The following LMO7 variants were observed in gnomAD, a reference collection of about 807,000 sequenced individuals.
The protein encoded by LMO7 is LIM domain 7, also known as LIM domain only protein 7.
LMO7 carries 120 observed loss-of-function variants against 206.5 expected under a neutral mutation model. The ratio of observed to expected loss-of-function variants is 0.58; its 90% CI spans 0.50 to 0.68. The LOEUF (loss-of-function observed/expected upper bound fraction) is 0.68. Among genes scored for constraint, LMO7 ranks in the 30% least tolerant of loss-of-function variants. The pLI is 0.00. For missense variants in LMO7, 1,959 were observed against 1,957.9 expected, an observed-to-expected ratio of 1.00 and a Z score of -0.01; for synonymous variants, 706 against 681.5, an observed-to-expected ratio of 1.04 and a Z score of -0.56.
chr13:75,636,486 G>A lies in LMO7; in HGVS notation c.-172G>A. On this transcript the variant is annotated 5_prime_UTR_variant, in exon 1 of 31. Coordinates refer to ENST00000377534, the MANE Select transcript of LMO7 (RefSeq NM_001306080.2). ...GTTCGTGTAGGTTCGAGACCTTAAC[G>A]AACTGCAGAGCGCAACAAAGGGAAC... 6.8e-7 allele frequency: 1 copy of A among 1,461,724 alleles called. No individual in the cohort carries two copies. Among genetic ancestry groups the A allele is most frequent in the East Asian group, 2.5e-5 (1 of 40,040 alleles). The allele number at this position is 1,461,724 out of a possible 1,614,324, so 90.5% of individuals were successfully genotyped here.
chr13:75,671,418 T>C (rs942058025), intron 1 of LMO7, among the ~76,000 whole-genome samples: 3 of 152,148 alleles, frequency 2.0e-5, no homozygotes, highest in African/African-American at 7.2e-5. Context: ...TATCACTAGA[T>C]AGAAGATGGG....
intron 1 of LMO7, among the ~76,000 whole-genome samples, chr13:75,683,045 GTGGT>G (rs994159955): frequency 6.6e-6 from 1 of 151,088 alleles, no homozygotes; most frequent in Non-Finnish European, 1.5e-5. Flanking sequence ...TTTACTTCCA[GTGGT>G]TTGACTTTTT....
chr13:75,738,403 G>C (rs911284641), intron 3 of LMO7, among the ~76,000 whole-genome samples: 1 of 152,204 alleles, frequency 6.6e-6, no homozygotes, highest in Non-Finnish European at 1.5e-5. Context: ...GAGATGTTAA[G>C]ATGGTTTGGA....
chr13:75,854,791 G>A (rs1053241698), intron 28 of LMO7, among the ~76,000 whole-genome samples: 1 of 152,112 alleles, frequency 6.6e-6, no homozygotes, highest in Non-Finnish European at 1.5e-5. Context: ...GAAAGAGGGC[G>A]AAAAATAAGT....
intron 1 of LMO7, among the ~76,000 whole-genome samples, chr13:75,709,063 T>C (rs1474325671): frequency 1.3e-5 from 2 of 152,126 alleles, no homozygotes; most frequent in East Asian, 3.9e-4. Context: ...TTTTTTGTCC[T>C]TGCGATAGTT....
chr13:75,737,842 C>CAAA (rs768622923), intron 3 of LMO7, among the ~76,000 whole-genome samples: 3,267 of 37,558 alleles, frequency 0.087, 334 homozygotes, highest in African/African-American at 0.12. Context: ...AGGAAGCTGC[C>CAAA]AAAAAAAAAA....
chr13:75,839,961 A>C (rs78504381), intron 20 of LMO7, 124 bp from the exon 21 acceptor site: 2 of 831,790 alleles, frequency 2.4e-6, no homozygotes, highest in Non-Finnish European at 3.9e-6. Context: ...GTTTAAAAAA[A>C]CATTGTCACT....
chr13:75,758,073 G>A (rs935121438), intron 3 of LMO7, among the ~76,000 whole-genome samples: 1 of 151,910 alleles, frequency 6.6e-6, no homozygotes, highest in African/African-American at 2.4e-5. Context: ...AGGAAAATGG[G>A]GCCAGAAATG....
At chr13:75,842,080 T>G in intron 24 of LMO7, 97 bp downstream of exon 24, 1 of 867,990 alleles carries the variant, frequency 1.2e-6, no homozygotes, top group Non-Finnish European at 1.8e-6. Context: ...CCACCCATTC[T>G]CCACACAAGT....
At chr13:75,658,750 AT>A (rs759656229) in intron 1 of LMO7, among the ~76,000 whole-genome samples, 136 of 143,660 alleles carry the variant, frequency 9.5e-4, no homozygotes, top group Admixed American at 1.0e-3. Context: ...CGCCCAGCTA[AT>A]TTTTTTTTTT....
At chr13:75,847,369 A>C (rs2060087552) in intron 26 of LMO7, among the ~76,000 whole-genome samples, 1 of 152,232 alleles carries the variant, frequency 6.6e-6, no homozygotes, top group Non-Finnish European at 1.5e-5. Context: ...GTCATGAATA[A>C]ATTCAACATT....
intron 19 of LMO7, 26 bp from the exon 20 acceptor site, chr13:75,838,114 A>C (rs746171004): frequency 7.4e-7 from 1 of 1,351,438 alleles, no homozygotes; most frequent in African/African-American, 1.4e-5. Flanking sequence ...AATGAATGAC[A>C]TAGTGTTTAT....
In LMO7 at chr13:75,729,582, ATT is replaced by A. The variant is rs1566360249; in HGVS notation, c.210+2486_210+2487del. ...ATCATGTCATCTGCAAACAGGGACA[ATT>A]TGACTTCCTCTTTTCCTAATTGAAT... On this transcript the variant is annotated intron_variant, in intron 3 of 30. Coordinates refer to ENST00000377534, the MANE Select transcript of LMO7 (RefSeq NM_001306080.2). 1.1e-4 allele frequency among the ~76,000 whole-genome samples: 17 copies of A among 150,970 alleles called. No individual in the cohort carries two copies. The East Asian group carries it at 3.3e-3, about 29-fold the overall frequency.
intron 25 of LMO7, among the ~76,000 whole-genome samples, chr13:75,844,448 C>T (rs576508523): frequency 8.7e-5 from 13 of 148,734 alleles, no homozygotes; most frequent in Admixed American, 4.0e-4. Flanking sequence ...CTCGCTCTGT[C>T]GCCCAGGCTG....
chr13:75,802,182 T>G (rs577779287), intron 7 of LMO7, among the ~76,000 whole-genome samples: 1 of 152,326 alleles, frequency 6.6e-6, no homozygotes, highest in East Asian at 1.9e-4. Flanking sequence ...TTATTAAGCA[T>G]GGTAACAAAA....
rs145753363 is a variant in LMO7 at position 75,641,764 on chromosome 13, C to T, written c.69+5038C>T. ...TCGCCTCCTGGATTTAAGTGATTCT[C>T]CTGTCTCAGCCTCCCGAGTAGCTGG... is the stretch of plus-strand genomic sequence containing the variant. On this transcript the variant is annotated intron_variant, in intron 1 of 30. Transcript: ENST00000377534. Among the ~76,000 whole-genome samples the T allele has an allele frequency of 6.4e-4, 97 of 152,232 alleles. 1 individual carries two copies. The East Asian group carries it at 0.018, about 28-fold the overall frequency.
intron 4 of LMO7, among the ~76,000 whole-genome samples, chr13:75,794,998 G>GT (rs1419132466): frequency 1.3e-5 from 2 of 151,928 alleles, no homozygotes; most frequent in Admixed American, 6.6e-5. Flanking sequence ...TGTTTTTAAG[G>GT]TTTTTTTCCC....
At position 75,728,193 on chromosome 13, in the gene LMO7, C is replaced by T. The variant is rs574484534; in HGVS notation, c.210+1095C>T. Among the ~76,000 whole-genome samples, 423 of 152,246 alleles carry T rather than the reference C, an allele frequency of 2.8e-3. 3 individuals carry two copies. The highest frequency in any genetic ancestry group is 9.7e-3 in the African/African-American group (405 of 41,550). On this transcript the variant is annotated intron_variant, in intron 3 of 30. Transcript: ENST00000377534. The stretch of plus-strand genomic sequence containing the variant: ...TTCTCGTTCTAGATCCCTGAGGAAT[C>T]GCCACACTGACTTCCACAATGGATG...
At chr13:75,746,468 A>G (rs2046848834) in intron 3 of LMO7, among the ~76,000 whole-genome samples, 1 of 152,194 alleles carries the variant, frequency 6.6e-6, no homozygotes, top group South Asian at 2.1e-4. Flanking sequence ...GAAACCCTCT[A>G]GAGGTGGTGG....
Sources: allele counts gnomAD v4.1 joint callset (sites outside exome capture counted in the v4.1 genomes callset), GRCh38; gene constraint gnomAD v4.1.1; transcripts MANE v1.5; gene names NCBI Gene and HGNC (gene_info 2026-07-23, HGNC 2026-07-21).